GREM2: variants seen among roughly 807,000 people sequenced by gnomAD.
The protein encoded by GREM2 is gremlin-2.
Under a neutral mutation model 14.2 loss-of-function variants are expected in GREM2, and 11 were observed. The observed-to-expected ratio is 0.78, with a 90% CI of 0.49 to 1.28. The LOEUF is 1.28. Ranked by LOEUF, GREM2 falls within the 50% of genes most tolerant of loss-of-function variation. The probability of loss-of-function intolerance (pLI) is 0.00; values close to 1 mark genes in which losing one functional copy is unlikely to be tolerated. For missense variants in GREM2, 210 were observed against 218.5 expected (o/e 0.96, Z 0.24); for synonymous variants, 98 against 97.6 (o/e 1.00, Z -0.02).
intron 1 of GREM2, among the ~76,000 whole-genome samples, chr1:240,582,540 A>G (rs1388578686): frequency 1.3e-5 from 2 of 152,154 alleles, no homozygotes; most frequent in African/African-American, 2.4e-5. Context: ...TCACGCCTAT[A>G]ATCTCAGCAC....
At chr1:240,576,859 T>C (rs1679382045) in intron 1 of GREM2, among the ~76,000 whole-genome samples, 1 of 152,228 alleles carries the variant, frequency 6.6e-6, no homozygotes, top group African/African-American at 2.4e-5. Context: ...TGCATTCGTT[T>C]ACTGTATTTT....
At chr1:240,506,934 T>C (rs376061382) in intron 1 of GREM2, among the ~76,000 whole-genome samples, 28 of 152,282 alleles carry the variant, frequency 1.8e-4, no homozygotes, top group African/African-American at 6.7e-4. Flanking sequence ...GCTTGGGCTT[T>C]AGCGTGTTGA....
intron 1 of GREM2, among the ~76,000 whole-genome samples, chr1:240,498,678 C>A (rs1244190379): frequency 1.3e-5 from 2 of 152,210 alleles, no homozygotes; most frequent in African/African-American, 4.8e-5. Context: ...TAGAAAGTCC[C>A]ACTCTGTCCT....
In GREM2 at chr1:240,490,082, A is replaced by G. The variant is rs1356065103; in HGVS notation, c.*2887T>C. ...TTTAAATTAAGAAATGTTGGAACTC[A>G]TGAGGAGTAAATGTGAAAATGAACA... On this transcript the variant is annotated 3_prime_UTR_variant, in exon 2 of 2. Transcript: ENST00000318160. 6.6e-6 allele frequency: 1 copy of G among 152,244 alleles called. No individual in the cohort carries two copies. Among genetic ancestry groups the G allele is most frequent in the Non-Finnish European group, 1.5e-5 (1 of 68,044 alleles). 9.4% of individuals were successfully genotyped at this position (152,244 alleles called of 1,614,324 possible). A position where few individuals can be genotyped will look rare whatever the true frequency, so the allele number is the denominator to read the frequency against.
intron 1 of GREM2, among the ~76,000 whole-genome samples, chr1:240,520,706 C>T (rs1001139643): frequency 6.6e-6 from 1 of 151,936 alleles, no homozygotes; most frequent in Non-Finnish European, 1.5e-5. Flanking sequence ...CCATGCCCAG[C>T]TAATTTTTGT....
rs938919506 is a variant in GREM2, at chr1:240,542,482, G to C, written c.-1-49006C>G. Among the ~76,000 whole-genome samples the C allele has an allele frequency of 8.6e-5, 13 of 151,424 alleles. No individual in the cohort carries two copies. The South Asian group carries it at 2.7e-3, about 32-fold the overall frequency. The stretch of plus-strand genomic sequence containing the variant: ...AAAAAAAAATTAGCTGGGTGTGGTG[G>C]TGCGCACCTGTAGTCCCAGCTACTC... On this transcript the variant is annotated intron_variant, in intron 1 of 1. Transcript: ENST00000318160. This position sits in a 1 kb window ranked among gnomAD's most constrained non-coding sequence, Gnocchi z 4.1.
chr1:240,522,135 A>C (rs1227298393), intron 1 of GREM2, among the ~76,000 whole-genome samples: 2 of 150,588 alleles, frequency 1.3e-5, no homozygotes, highest in African/African-American at 4.9e-5. Flanking sequence ...AAAAAAAAAA[A>C]CAAAAACAAA....
intron 1 of GREM2, among the ~76,000 whole-genome samples, chr1:240,517,405 T>C (rs2103298662): frequency 6.6e-6 from 1 of 152,306 alleles, no homozygotes; most frequent in South Asian, 2.1e-4. Context: ...CACATTTTTG[T>C]TTTCCACTGG....
At chr1:240,567,630 T>A (rs1433643782) in intron 1 of GREM2, among the ~76,000 whole-genome samples, 1 of 152,118 alleles carries the variant, frequency 6.6e-6, no homozygotes, top group Non-Finnish European at 1.5e-5. Context: ...AATTCATCAA[T>A]AGTAGACTCA....
intron 1 of GREM2, among the ~76,000 whole-genome samples, chr1:240,608,129 A>T (rs1329316768): frequency 6.6e-6 from 1 of 152,248 alleles, no homozygotes; most frequent in East Asian, 1.9e-4. Flanking sequence ...GGTTACAAGA[A>T]ATTCTCAGTA....
rs1678629523 is a variant in GREM2 at position 240,543,102 on chromosome 1, C to T, written c.-1-49626G>A. Among the ~76,000 whole-genome samples, 1 of 152,178 alleles carries T rather than the reference C, an allele frequency of 6.6e-6. No homozygotes were observed. The highest frequency in any genetic ancestry group is 1.5e-5 in the Non-Finnish European group (1 of 68,024). ...GAGGTTTCAAAAGCATTTCCTCGAT[C>T]ACTCTGTCATGATTATTTGACTATT... is the stretch of plus-strand genomic sequence containing the variant. On this transcript the variant is annotated intron_variant, in intron 1 of 1. Coordinates refer to ENST00000318160, the MANE Select transcript of GREM2 (RefSeq NM_022469.4). This position sits in a 1 kb window ranked among gnomAD's most constrained non-coding sequence, Gnocchi z 6.4.
chr1:240,552,681 A>C (rs1678876795), intron 1 of GREM2, among the ~76,000 whole-genome samples: 1 of 152,190 alleles, frequency 6.6e-6, no homozygotes, highest in African/African-American at 2.4e-5. Context: ...TGCTGTCTAG[A>C]GGCGAATGCA....
intron 1 of GREM2, among the ~76,000 whole-genome samples, chr1:240,521,296 C>T (rs112282293): frequency 5.9e-5 from 9 of 152,272 alleles, no homozygotes; most frequent in Middle Eastern, 6.8e-3. Context: ...GGGGTGGGCG[C>T]GGTGGCTCAC....
chr1:240,536,768 G>A (rs12126338), intron 1 of GREM2, among the ~76,000 whole-genome samples: 3 of 152,006 alleles, frequency 2.0e-5, no homozygotes, highest in Non-Finnish European at 2.9e-5. Context: ...GGAAGCCATC[G>A]GTAGCTACGT....
At position 240,606,474 on chromosome 1, in the gene GREM2, AC is replaced by A. The variant is rs567669165; in HGVS notation, c.-2+5409del. 2.6e-5 allele frequency among the ~76,000 whole-genome samples: 4 copies of A among 152,286 alleles called. No individual in the cohort carries two copies. The East Asian group carries it at 7.7e-4, about 29-fold the overall frequency. On this transcript the variant is annotated intron_variant, in intron 1 of 1. Transcript: ENST00000318160. ...CGGAGGATCCTGGTTATAATACCCA[AC>A]AAACACCACTGTAATCATTAGGTTA...
intron 1 of GREM2, among the ~76,000 whole-genome samples, chr1:240,546,017 A>G (rs1176928909): frequency 6.6e-6 from 1 of 152,196 alleles, no homozygotes; most frequent in Non-Finnish European, 1.5e-5. Context: ...ATTTCTCCAC[A>G]GACTCTTCCA....
chr1:240,596,178 G>C (rs998003619), intron 1 of GREM2, among the ~76,000 whole-genome samples: 8 of 152,094 alleles, frequency 5.3e-5, no homozygotes, highest in African/African-American at 1.9e-4. Context: ...ATTAATTTGG[G>C]AGATGAAGAT....
chr1:240,566,510 G>A (rs1033017895), intron 1 of GREM2, among the ~76,000 whole-genome samples: 1 of 152,176 alleles, frequency 6.6e-6, no homozygotes, highest in Non-Finnish European at 1.5e-5. Context: ...AACCGACTCT[G>A]GGGAGATCGA....
intron 1 of GREM2, among the ~76,000 whole-genome samples, chr1:240,545,485 TAAAATTGTA>T (rs1042973358): frequency 7.0e-5 from 3 of 42,660 alleles, no homozygotes; most frequent in South Asian, 7.1e-4. Flanking sequence ...TAATTGTAAC[TAAAATTGTA>T]CAAATTGTAC....
Sources: allele counts gnomAD v4.1 joint callset (sites outside exome capture counted in the v4.1 genomes callset), GRCh38; gene constraint gnomAD v4.1.1; non-coding constraint Gnocchi (gnomAD v3.1); transcripts MANE v1.5; gene names NCBI Gene and HGNC (gene_info 2026-07-23, HGNC 2026-07-21).